Variants in DOCK3 observed in about 807,000 individuals in gnomAD.
The protein encoded by DOCK3 is dedicator of cytokinesis 3.
DOCK3 carries 60 observed loss-of-function variants against 265.6 expected under a neutral mutation model. The observed-to-expected ratio is 0.23, with a 90% CI of 0.18 to 0.28. The LOEUF (loss-of-function observed/expected upper bound fraction) is 0.28. Among genes scored for constraint, DOCK3 ranks in the 10% least tolerant of loss-of-function variants. The probability of loss-of-function intolerance (pLI) is 1.00; values close to 1 mark genes in which losing one functional copy is unlikely to be tolerated. For synonymous variants in DOCK3, 881 were observed against 938.0 expected, an observed-to-expected ratio of 0.94 and a Z score of 1.11; for missense variants, 1,981 against 2,594.3, an observed-to-expected ratio of 0.76 and a Z score of 5.14.
chr3:50,766,236 T>C (rs2040863655), intron 1 of DOCK3, among the ~76,000 whole-genome samples: 1 of 151,820 alleles, frequency 6.6e-6, no homozygotes, highest in South Asian at 2.1e-4. Flanking sequence ...ACTTGTCATT[T>C]ACATTAGGCA....
At chr3:51,041,248 C>T (rs1202252381) in intron 5 of DOCK3, among the ~76,000 whole-genome samples, 26 of 92,534 alleles carry the variant, frequency 2.8e-4, no homozygotes, top group Non-Finnish European at 4.6e-4. Flanking sequence ...GACAGAGTTT[C>T]GCTCTGTCGC....
intron 1 of DOCK3, chr3:50,719,842 A>G (rs778903691): frequency 3.7e-5 from 27 of 734,982 alleles, no homozygotes; most frequent in Non-Finnish European, 5.8e-5. Flanking sequence ...TTATAACCAA[A>G]TGCATTCTTT....
chr3:50,955,327 T>C (rs1219674412), intron 5 of DOCK3, among the ~76,000 whole-genome samples: 2 of 152,174 alleles, frequency 1.3e-5, no homozygotes, highest in African/African-American at 4.8e-5. Context: ...AGCAGTCTCA[T>C]TGCTGGTTAT....
At chr3:50,813,683 GTA>G (rs1360392621) in intron 2 of DOCK3, among the ~76,000 whole-genome samples, 1 of 152,118 alleles carries the variant, frequency 6.6e-6, no homozygotes, top group African/African-American at 2.4e-5. Flanking sequence ...AAAATTTTAA[GTA>G]AAACCTGCTT....
intron 24 of DOCK3, among the ~76,000 whole-genome samples, chr3:51,273,388 G>T (rs760304868): frequency 6.6e-6 from 1 of 152,134 alleles, no homozygotes; most frequent in Non-Finnish European, 1.5e-5. Flanking sequence ...TTCATTGAAT[G>T]CCTGAGTTGC....
At position 51,267,214 on chromosome 3, in the gene DOCK3, TTGG is replaced by T. The variant is rs2080231252; in HGVS notation, c.2356-3597_2356-3595del. On this transcript the variant is annotated intron_variant, in intron 23 of 52. Transcript: ENST00000266037. The stretch of plus-strand genomic sequence containing the variant: ...GAGAAATAGGAATGCTTTTACACTG[TTGG>T]TGGAAGTGTAAATTAGTTCAACCAT... Among the ~76,000 whole-genome samples, 3 of 152,244 alleles carry T rather than the reference TTGG, an allele frequency of 2.0e-5. No homozygotes were observed. In the South Asian group the frequency reaches 6.2e-4, roughly 32 times the overall value.
At chr3:50,889,959 T>C in intron 3 of DOCK3, 67 bp from the exon 4 acceptor site, 1 of 1,243,538 alleles carries the variant, frequency 8.0e-7, no homozygotes, top group Non-Finnish European at 1.0e-6. Flanking sequence ...TGATTGCTAT[T>C]TTTGTATATA....
chr3:51,336,458 C>T (rs1196457298), intron 35 of DOCK3, among the ~76,000 whole-genome samples: 1 of 152,080 alleles, frequency 6.6e-6, no homozygotes, highest in Admixed American at 6.5e-5. Context: ...CTTCCTTTCC[C>T]AGGCCTCTCA....
intron 25 of DOCK3, 76 bp downstream of exon 25, chr3:51,275,282 C>T: frequency 1.3e-6 from 2 of 1,593,214 alleles, no homozygotes; most frequent in South Asian, 2.2e-5. Context: ...GGCAGACCAA[C>T]AAAGATCGCT....
At chr3:50,705,083 G>A (rs1291156226) in intron 1 of DOCK3, among the ~76,000 whole-genome samples, 1 of 104,646 alleles carries the variant, frequency 9.6e-6, no homozygotes, top group African/African-American at 3.5e-5. Context: ...TTCTCCTATT[G>A]TTGGCCTTTA....
intron 1 of DOCK3, among the ~76,000 whole-genome samples, chr3:50,736,150 G>C (rs2038590156): frequency 6.6e-6 from 1 of 152,060 alleles, no homozygotes; most frequent in African/African-American, 2.4e-5. Flanking sequence ...AACATGCAGT[G>C]TTTGTTTTTT....
chr3:50,717,772 G>A (rs906370258), intron 1 of DOCK3, among the ~76,000 whole-genome samples: 52 of 152,116 alleles, frequency 3.4e-4, no homozygotes, highest in African/African-American at 7.2e-4. Context: ...ACAGGCATGC[G>A]CCACCATGCC....
chr3:51,159,706 A>G (rs1318511653), intron 11 of DOCK3, among the ~76,000 whole-genome samples: 11 of 152,174 alleles, frequency 7.2e-5, no homozygotes, highest in Admixed American at 6.5e-4. Flanking sequence ...GTTTGAAATT[A>G]TGTATCTGTG....
At chr3:51,186,640 C>T (rs1383679253) in intron 12 of DOCK3, among the ~76,000 whole-genome samples, 3 of 152,170 alleles carry the variant, frequency 2.0e-5, no homozygotes, top group Admixed American at 2.0e-4. Context: ...AAAGTGGTTT[C>T]GTGGGCCAGG....
In DOCK3 at chr3:51,180,711, A is replaced by C. The variant is rs554783401; in HGVS notation, c.1037+20009A>C. Among the ~76,000 whole-genome samples the C allele has an allele frequency of 4.6e-5, 7 of 152,308 alleles. No homozygotes were observed. The East Asian group carries it at 1.3e-3, about 29-fold the overall frequency. Reference sequence around the variant, plus strand: ...TTTTTCCAAATAAGGTAACATTCACAGGTTCTGGGGATTAAAATAAGGACA... The same window carrying C: ...TTTTTCCAAATAAGGTAACATTCACCGGTTCTGGGGATTAAAATAAGGACA... On this transcript the variant is annotated intron_variant, in intron 12 of 52. Coordinates refer to ENST00000266037, the MANE Select transcript of DOCK3 (RefSeq NM_004947.5).
At chr3:50,718,032 A>T (rs946626535) in intron 1 of DOCK3, among the ~76,000 whole-genome samples, 2 of 152,184 alleles carry the variant, frequency 1.3e-5, no homozygotes, top group Non-Finnish European at 2.9e-5. Flanking sequence ...TATCTAAATG[A>T]TATAATTTCA....
In DOCK3 at chr3:50,920,946, A is replaced by G. The variant is rs927870160; in HGVS notation, c.219-13035A>G. Among the ~76,000 whole-genome samples the G allele has an allele frequency of 1.1e-4, 16 of 152,136 alleles. No individual in the cohort carries two copies. The East Asian group carries it at 1.2e-3, about 11-fold the overall frequency. On this transcript the variant is annotated intron_variant, in intron 4 of 52. Coordinates refer to ENST00000266037, the MANE Select transcript of DOCK3 (RefSeq NM_004947.5). ...TGTGTCCCAGAGATTCTGGTATGTT[A>G]TGTCTTTGTTCTCATTGGTTTCAAA...
intron 12 of DOCK3, among the ~76,000 whole-genome samples, chr3:51,193,900 G>T (rs1455493065): frequency 8.6e-6 from 1 of 116,344 alleles, no homozygotes; most frequent in African/African-American, 3.3e-5. Context: ...CCTTTGTTTT[G>T]TTTTTCTTCA....
chr3:51,259,228 T>C (rs550223854), intron 22 of DOCK3, among the ~76,000 whole-genome samples: 3 of 152,312 alleles, frequency 2.0e-5, no homozygotes, highest in African/African-American at 7.2e-5. Flanking sequence ...CCACAAAATA[T>C]TAAGTTCTGC....
Sources: allele counts gnomAD v4.1 joint callset (sites outside exome capture counted in the v4.1 genomes callset), GRCh38; gene constraint gnomAD v4.1.1; transcripts MANE v1.5; gene names NCBI Gene and HGNC (gene_info 2026-07-23, HGNC 2026-07-21).